The following COG5 variants were observed in gnomAD, a reference collection of about 807,000 sequenced individuals.
The protein encoded by COG5 is conserved oligomeric Golgi complex subunit 5.
Under a neutral mutation model 110.4 loss-of-function variants are expected in COG5, and 86 were observed. The observed-to-expected ratio is 0.78, with a 90% CI of 0.65 to 0.93. The LOEUF is 0.93. COG5 is among the 40% of genes least tolerant of loss of function. The pLI is 0.00. For synonymous variants in COG5, 360 were observed against 334.6 expected, an observed-to-expected ratio of 1.08 and a Z score of -0.83; for missense variants, 1,077 against 987.0, an observed-to-expected ratio of 1.09 and a Z score of -1.22.
intron 20 of COG5, 109 bp downstream of exon 20, chr7:107,210,990 C>A (rs1799118223): frequency 7.7e-7 from 1 of 1,294,592 alleles, no homozygotes; most frequent in African/African-American, 1.5e-5. Flanking sequence ...ACATAAGCAA[C>A]TAAACAAAGC....
chr7:107,234,204 G>A (rs929076022), intron 18 of COG5, among the ~76,000 whole-genome samples: 7 of 152,144 alleles, frequency 4.6e-5, no homozygotes, highest in Non-Finnish European at 8.8e-5. Context: ...TGTCACTGCA[G>A]GGCTTAACAG....
intron 21 of COG5, among the ~76,000 whole-genome samples, chr7:107,204,905 C>T (rs747422359): frequency 1.1e-4 from 16 of 152,242 alleles, no homozygotes; most frequent in Non-Finnish European, 2.4e-4. Context: ...TTCTGCCCGC[C>T]TTCCCTTATT....
intron 21 of COG5, chr7:107,209,058 A>AT: frequency 2.0e-6 from 2 of 984,566 alleles, no homozygotes; most frequent in Non-Finnish European, 2.4e-6. Context: ...TATGTAAATG[A>AT]TTCTTGTGTG....
chr7:107,495,147 T>C (rs905154046), intron 6 of COG5, among the ~76,000 whole-genome samples: 8 of 152,136 alleles, frequency 5.3e-5, no homozygotes, highest in African/African-American at 1.9e-4. Context: ...GGCAGAAAGC[T>C]GGGGCCTTAC....
At chr7:107,415,748 ATGTATATATGTATGTG>A (rs1792685909) in intron 6 of COG5, among the ~76,000 whole-genome samples, 1 of 147,700 alleles carries the variant, frequency 6.8e-6, no homozygotes, top group Non-Finnish European at 1.5e-5. Context: ...AAATACATGT[ATGTATATATGTATGTG>A]TGTATATATA....
chr7:107,542,161 A>G (rs1802088023), intron 5 of COG5, among the ~76,000 whole-genome samples: 1 of 152,282 alleles, frequency 6.6e-6, no homozygotes, highest in Middle Eastern at 3.4e-3. Context: ...ACTAACCATA[A>G]AAGAAAAATT....
At chr7:107,277,822 T>C (rs1478249667) in intron 14 of COG5, among the ~76,000 whole-genome samples, 1 of 152,178 alleles carries the variant, frequency 6.6e-6, no homozygotes, top group East Asian at 1.9e-4. Flanking sequence ...TTTAGGTTTG[T>C]ATAACACATA....
Position 107,528,353 on chromosome 7 carries a change from T to C in COG5, c.418-996A>G, listed in dbSNP as rs182663955. ...AACCTCCCACATCAGACTCCCAAAG[T>C]GCTAGGATTACAGGTGTGAGCCACC... On this transcript the variant is annotated intron_variant, in intron 5 of 21. Transcript: ENST00000297135. Among the ~76,000 whole-genome samples, 878 of 152,224 alleles carry C rather than the reference T, an allele frequency of 5.8e-3. 2 individuals carry two copies. The highest frequency in any genetic ancestry group is 9.9e-3 in the Non-Finnish European group (675 of 68,018).
chr7:107,480,972 T>C (rs538209736), intron 6 of COG5: 11 of 152,314 alleles, frequency 7.2e-5, no homozygotes, highest in Non-Finnish European at 1.0e-4. Flanking sequence ...ATTCTATTCA[T>C]ACATTTTCTA....
chr7:107,527,853 C>T (rs1407274889), intron 5 of COG5, among the ~76,000 whole-genome samples: 1 of 152,126 alleles, frequency 6.6e-6, no homozygotes, highest in Non-Finnish European at 1.5e-5. Flanking sequence ...TGTTCCAATG[C>T]CCAGGCCACA....
At chr7:107,307,793 G>A (rs993183448) in intron 11 of COG5, among the ~76,000 whole-genome samples, 1 of 149,042 alleles carries the variant, frequency 6.7e-6, no homozygotes, top group Non-Finnish European at 1.5e-5. Context: ...AGGAATAGAA[G>A]ACTACATATT....
At chr7:107,219,203 T>G (rs1799727563) in intron 19 of COG5, among the ~76,000 whole-genome samples, 1 of 151,944 alleles carries the variant, frequency 6.6e-6, no homozygotes, top group Non-Finnish European at 1.5e-5. Flanking sequence ...GTGGTGAGAG[T>G]GTGGGGGAAA....
At chr7:107,426,790 G>T (rs1470124354) in intron 6 of COG5, among the ~76,000 whole-genome samples, 1 of 152,024 alleles carries the variant, frequency 6.6e-6, no homozygotes, top group Non-Finnish European at 1.5e-5. Context: ...CAACTGTCTG[G>T]GGCATTCAGA....
chr7:107,428,822 T>C (rs1268958089), intron 6 of COG5, among the ~76,000 whole-genome samples: 5 of 152,194 alleles, frequency 3.3e-5, no homozygotes, highest in Non-Finnish European at 5.9e-5. Context: ...CTGTTTAATC[T>C]TCTACACAAC....
At chr7:107,519,739 T>G (rs1292935354) in intron 6 of COG5, among the ~76,000 whole-genome samples, 1 of 152,182 alleles carries the variant, frequency 6.6e-6, no homozygotes, top group Non-Finnish European at 1.5e-5. Context: ...GTACCACTCC[T>G]TCAGATGATA....
Position 107,439,131 on chromosome 7 carries a change from T to C in COG5, c.539-26499A>G, listed in dbSNP as rs373855659. Among the ~76,000 whole-genome samples, 54 of 152,312 alleles carry C rather than the reference T, an allele frequency of 3.5e-4. 1 individual carries two copies. The South Asian group carries it at 0.011, about 30-fold the overall frequency. On this transcript the variant is annotated intron_variant, in intron 6 of 21. Transcript: ENST00000297135. ...TACCGTAAGGCCAACCTCTCCACTA[T>C]GTACACTAGGTTCTATGCCCTCCTG...
chr7:107,410,446 T>C (rs1383760270), intron 7 of COG5, among the ~76,000 whole-genome samples: 2 of 151,980 alleles, frequency 1.3e-5, no homozygotes, highest in African/African-American at 4.8e-5. Flanking sequence ...ATGGGTTCAT[T>C]TTGTTTTGTT....
At chr7:107,415,204 T>C (rs966468728) in intron 6 of COG5, among the ~76,000 whole-genome samples, 3 of 152,224 alleles carry the variant, frequency 2.0e-5, no homozygotes, top group African/African-American at 7.2e-5. Flanking sequence ...GAAATTGGGT[T>C]GGTGCTGGAA....
intron 5 of COG5, among the ~76,000 whole-genome samples, chr7:107,539,978 G>A (rs1023928723): frequency 1.1e-4 from 17 of 152,232 alleles, no homozygotes; most frequent in Non-Finnish European, 7.4e-5. Context: ...CACAGCAAAG[G>A]GAAGGCAAGG....
Sources: gnomAD v4.1 joint callset for allele counts (sites outside exome capture counted in the v4.1 genomes callset) on GRCh38, gnomAD v4.1.1 for gene constraint, MANE v1.5 for transcripts, NCBI Gene and HGNC (gene_info 2026-07-23, HGNC 2026-07-21) for gene names.